The following AP4M1 variants were observed in gnomAD, a reference collection of about 807,000 sequenced individuals.
AP4M1 encodes AP-4 complex subunit mu-1.
Under a neutral mutation model 62.4 loss-of-function variants are expected in AP4M1, and 58 were observed. That is an observed-to-expected ratio of 0.93 (90% confidence interval 0.75 to 1.16). The LOEUF is 1.16. Ranked by LOEUF, AP4M1 falls within the 50% of genes most tolerant of loss-of-function variation. The pLI, the probability that AP4M1 is intolerant of heterozygous loss-of-function variation, is 0.00. For missense variants in AP4M1, 626 were observed against 585.4 expected, an observed-to-expected ratio of 1.07 and a Z score of -0.72; for synonymous variants, 290 against 239.7, an observed-to-expected ratio of 1.21 and a Z score of -1.94.
intron 9 of AP4M1, 43 bp downstream of exon 9, chr7:100,105,141 G>T (rs1796354698): frequency 6.2e-7 from 1 of 1,613,384 alleles, no homozygotes; most frequent in African/African-American, 1.3e-5. Context: ...GTAGGTCATT[G>T]CCAGAGTTCA....
At chr7:100,101,316 C>G (rs761282862), upstream of AP4M1, 14 of 1,613,034 alleles carry the variant, frequency 8.7e-6, no homozygotes, top group Admixed American at 8.3e-5. Flanking sequence ...GCCGTGCGGC[C>G]GCGCTTGGCG....
chr7:100,105,670 C>T (rs568477949), intron 11 of AP4M1, 131 bp downstream of exon 11: 79 of 975,164 alleles, frequency 8.1e-5, no homozygotes, highest in South Asian at 5.2e-4. Flanking sequence ...GCTTGGGTTG[C>T]GGCCGGTGGC....
upstream of AP4M1, chr7:100,101,270 C>A: frequency 1.2e-6 from 2 of 1,613,288 alleles, no homozygotes; most frequent in South Asian, 1.1e-5. Context: ...GTACCCTTCT[C>A]TAGCGCGTAG....
At chr7:100,104,026 C>T (rs780159996) in intron 6 of AP4M1, 66 bp from the exon 7 acceptor site, 10 of 1,422,242 alleles carry the variant, frequency 7.0e-6, no homozygotes, top group African/African-American at 2.8e-5. Context: ...TTCTTTCTCC[C>T]TGTCTGTCCA....
In AP4M1 at chr7:100,101,912, G is replaced by A; in HGVS notation, c.91G>A (p.Glu31Lys). Residue 31 changes from glutamate to lysine, a missense_variant, in exon 2 of 15, where the codon GAG becomes AAG. Transcript: ENST00000359593. ...GGACAGTGGCGGCCGGGATGTGGCC[G>A]AGCTCTTCTACCGGAAGCTGACGGG... ...RGDSGGRDVA[E>K]LFYRKLTGLP... 1 of 1,613,006 alleles carries A rather than the reference G, an allele frequency of 6.2e-7. No homozygotes were observed. The highest frequency in any genetic ancestry group is 8.5e-7 in the Non-Finnish European group (1 of 1,179,950).
At position 100,102,795 on chromosome 7, in the gene AP4M1, G is replaced by A. The variant is rs753911599; in HGVS notation, c.254+14G>A. On this transcript the variant is annotated intron_variant, in intron 3 of 14. Coordinates refer to ENST00000359593, the MANE Select transcript of AP4M1 (RefSeq NM_004722.4). ...ACTGCTCTCCAGGTGAGGAGGGTTG[G>A]GCTGGGCACCTGGTAGCTAGGAGGG... 4.6e-5 allele frequency: 75 copies of A among 1,613,232 alleles called. No individual in the cohort carries two copies. The highest frequency in any genetic ancestry group is 5.9e-5 in the Non-Finnish European group (69 of 1,179,306).
chr7:100,108,612 CA>C lies in AP4M1; in HGVS notation c.*1731del. 2 of 1,508,998 alleles carry C rather than the reference CA, an allele frequency of 1.3e-6. No individual in the cohort carries two copies. Among genetic ancestry groups the C allele is most frequent in the Non-Finnish European group, 1.8e-6 (2 of 1,120,884 alleles). 93.5% of individuals were successfully genotyped at this position (1,508,998 alleles called of 1,614,324 possible). On this transcript the variant is annotated 3_prime_UTR_variant, in exon 15 of 15. Transcript: ENST00000359593. ...AGCCAGGTAGAGGGAGGGCTGGTGA[CA>C]CTCTTGAGAAGAACCTTGGGGATGG...
upstream of AP4M1, chr7:100,101,165 C>A: frequency 6.7e-7 from 1 of 1,503,016 alleles, no homozygotes; most frequent in Non-Finnish European, 9.2e-7. Context: ...CACCCCAGAA[C>A]CCGCCGACCC....
rs1028824532 is a variant in AP4M1 at position 100,103,509 on chromosome 7, G to T, written c.452G>T (p.Ser151Ile). ...CCCTTCAGCCTCTTTGACCTCAGCA[G>T]CGTTGGCTTGGTCAGTAGAGGGAAA... is the stretch of plus-strand genomic sequence containing the variant. Reference protein sequence around the residue: ...SKPFSLFDLSSVGLFGAETQQ... With the variant: ...SKPFSLFDLSIVGLFGAETQQ... The change falls in exon 5 of 15, where the codon AGC (serine) becomes ATC (isoleucine). Residue 151 changes from serine (S) to isoleucine (I), a missense_variant. Coordinates refer to ENST00000359593, the MANE Select transcript of AP4M1 (RefSeq NM_004722.4). The T allele has an allele frequency of 3.7e-6, 6 of 1,614,214 alleles. No individual in the cohort carries two copies. Among genetic ancestry groups the T allele is most frequent in the Non-Finnish European group, 5.1e-6 (6 of 1,180,018 alleles).
intron 3 of AP4M1, 21 bp downstream of exon 3, chr7:100,102,802 C>T: frequency 6.2e-7 from 1 of 1,612,902 alleles, no homozygotes; most frequent in Non-Finnish European, 8.5e-7. Flanking sequence ...TTGGGCTGGG[C>T]ACCTGGTAGC....
chr7:100,101,130 G>C, upstream of AP4M1: 2 of 1,139,350 alleles, frequency 1.8e-6, no homozygotes, highest in African/African-American at 1.5e-5. Context: ...CCAGGCCGCA[G>C]CTCGACCCTG....
chr7:100,107,366 G>A lies in AP4M1; in HGVS notation c.*484G>A. ...TCCCCCCACAAAGGGCACTGCCGCT[G>A]AGTGGGGACGGGGACGATGCCGGGG... On this transcript the variant is annotated 3_prime_UTR_variant, in exon 15 of 15. Transcript: ENST00000359593. 1.3e-6 allele frequency: 2 copies of A among 1,577,590 alleles called. No homozygotes were observed. The highest frequency in any genetic ancestry group is 1.2e-5 in the South Asian group (1 of 86,662).
At chr7:100,103,936 C>G (rs527463978) in intron 6 of AP4M1, among the ~76,000 whole-genome samples, 156 bp from the exon 7 acceptor site, 130 of 152,066 alleles carry the variant, frequency 8.5e-4, no homozygotes, top group Middle Eastern at 3.4e-3. Flanking sequence ...CTCCCACCCC[C>G]CCAGATGTGG....
At chr7:100,103,381 A>G in intron 4 of AP4M1, 28 bp from the exon 5 acceptor site, 1 of 1,591,144 alleles carries the variant, frequency 6.3e-7, no homozygotes, top group South Asian at 1.1e-5. Flanking sequence ...TCCACTGATC[A>G]CTCAGACTGT....
intron 14 of AP4M1, 48 bp downstream of exon 14, chr7:100,106,562 G>GCCCCCCCCCCCCCCCCCCCCACCC: frequency 1.3e-6 from 2 of 1,514,830 alleles, no homozygotes; most frequent in Non-Finnish European, 9.1e-7. Flanking sequence ...TTCACTTGCA[G>GCCCCCCCCCCCCCCCCCCCCACCC]CCCCCACCCC....
chr7:100,108,782 T>G lies in AP4M1; in HGVS notation c.*1900T>G. 2.7e-6 allele frequency: 1 copy of G among 374,446 alleles called. No individual in the cohort carries two copies. Among genetic ancestry groups the G allele is most frequent in the Non-Finnish European group, 4.8e-6 (1 of 208,074 alleles). The allele number at this position is 374,446 out of a possible 1,614,324, so 23.2% of individuals were successfully genotyped here. On this transcript the variant is annotated 3_prime_UTR_variant, in exon 15 of 15. Coordinates refer to ENST00000359593, the MANE Select transcript of AP4M1 (RefSeq NM_004722.4). ...CCAGGTGCAGCATCTTAGGCCTGTATCCCAGCACTTGGGAGGCTGAGGTGG... is the reference window on the plus strand; with the variant it reads ...CCAGGTGCAGCATCTTAGGCCTGTAGCCCAGCACTTGGGAGGCTGAGGTGG...
chr7:100,101,598 G>C (rs912041265), upstream of AP4M1: 3 of 1,133,986 alleles, frequency 2.6e-6, no homozygotes, highest in African/African-American at 4.6e-5. Flanking sequence ...CCGAGCTGGC[G>C]CGGGCGGAGG....
rs775456155 is a variant in AP4M1, at chr7:100,107,436, CCT to C, written c.*555_*556del. On this transcript the variant is annotated 3_prime_UTR_variant, in exon 15 of 15. Transcript: ENST00000359593. The stretch of plus-strand genomic sequence containing the variant: ...GGAGGTGGGGCCTCCTTTGCCCTCC[CCT>C]GTTGGGGGAAGTGAGACCACGATGT... 3.1e-6 allele frequency: 5 copies of C among 1,611,648 alleles called. No homozygotes were observed. The highest frequency in any genetic ancestry group is 2.7e-5 in the African/African-American group (2 of 74,860).
chr7:100,104,859 G>A lies in AP4M1; in HGVS notation c.607-15G>A, dbSNP rs766628480. On this transcript the variant is annotated splice_polypyrimidine_tract_variant and intron_variant, in intron 7 of 14. Transcript: ENST00000359593. Reference sequence around the variant, plus strand: ...AAGAAAAAAAGACTCTAACCTTGACGCCCCTGCCTCTCAGGGATCCCTGCT... The same window carrying A: ...AAGAAAAAAAGACTCTAACCTTGACACCCCTGCCTCTCAGGGATCCCTGCT... 22 of 1,613,820 alleles carry A rather than the reference G, an allele frequency of 1.4e-5. No individual in the cohort carries two copies. Among genetic ancestry groups the A allele is most frequent in the East Asian group, 4.5e-5 (2 of 44,892 alleles).
Sources: allele counts gnomAD v4.1 joint callset (sites outside exome capture counted in the v4.1 genomes callset), GRCh38; gene constraint gnomAD v4.1.1; transcripts MANE v1.5; gene names NCBI Gene and HGNC (gene_info 2026-07-23, HGNC 2026-07-21).